Variants in FAT3 observed in about 807,000 individuals in gnomAD.
FAT3 encodes protocadherin Fat 3.
A neutral mutation model predicts 310.2 loss-of-function variants in FAT3; 95 were observed. The observed-to-expected ratio is 0.31, with a 90% CI of 0.26 to 0.36. The LOEUF is 0.36. FAT3 is among the 10% of genes least tolerant of loss of function. The probability of loss-of-function intolerance (pLI) is 1.00; values close to 1 mark genes in which losing one functional copy is unlikely to be tolerated. For missense variants in FAT3, 5,408 were observed against 5,715.6 expected, an observed-to-expected ratio of 0.95 and a Z score of 1.74; for synonymous variants, 2,314 against 2,192.9, an observed-to-expected ratio of 1.06 and a Z score of -1.54.
chr11:92,781,298 G>T lies in FAT3; in HGVS notation c.4335+7118G>T, dbSNP rs1027735478. The stretch of plus-strand genomic sequence containing the variant: ...GATTATCCCCATGTTGGCCAGGCTG[G>T]TCTCAAACTCCTGATCTCAAGTGAT... On this transcript the variant is annotated intron_variant, in intron 7 of 27. Coordinates refer to ENST00000525166, the MANE Select transcript of FAT3 (RefSeq NM_001367949.2). Among the ~76,000 whole-genome samples the T allele has an allele frequency of 5.9e-5, 9 of 151,568 alleles. 2 individuals carry two copies. In the South Asian group the frequency reaches 1.9e-3, roughly 32 times the overall value.
chr11:92,841,655 C>T (rs554481810), intron 18 of FAT3, among the ~76,000 whole-genome samples: 1 of 152,322 alleles, frequency 6.6e-6, no homozygotes, highest in African/African-American at 2.4e-5. Context: ...TCAGTGCCTT[C>T]TCACAGAAAC....
At chr11:92,786,747 C>A (rs567143229) in intron 7 of FAT3, among the ~76,000 whole-genome samples, 13 of 152,204 alleles carry the variant, frequency 8.5e-5, no homozygotes, top group Non-Finnish European at 1.6e-4. Context: ...CCAACCATCC[C>A]AATTCTAGAA....
At chr11:92,661,990 A>G (rs1400188010) in intron 3 of FAT3, among the ~76,000 whole-genome samples, 2 of 152,126 alleles carry the variant, frequency 1.3e-5, no homozygotes, top group Non-Finnish European at 2.9e-5. Flanking sequence ...CTCTCTTGGT[A>G]GCCAAGCAGA....
intron 6 of FAT3, among the ~76,000 whole-genome samples, chr11:92,769,950 G>A (rs758126110): frequency 6.6e-6 from 1 of 152,184 alleles, no homozygotes; most frequent in Admixed American, 6.5e-5. Context: ...AGGACTAGCA[G>A]CAGCCTTGTT....
At chr11:92,678,632 T>A (rs79844983) in intron 3 of FAT3, among the ~76,000 whole-genome samples, 5,459 of 152,212 alleles carry the variant, frequency 0.036, 237 homozygotes, top group East Asian at 0.21. Flanking sequence ...TAATAATGAC[T>A]TTTTTTAATA....
At chr11:92,666,998 C>G (rs1591584841) in intron 3 of FAT3, among the ~76,000 whole-genome samples, 1 of 152,066 alleles carries the variant, frequency 6.6e-6, no homozygotes, top group Non-Finnish European at 1.5e-5. Flanking sequence ...GAAGTCTAGT[C>G]CAGCTTTGTT....
At chr11:92,234,084 T>C (rs941645275) in intron 1 of FAT3, among the ~76,000 whole-genome samples, 1 of 152,238 alleles carries the variant, frequency 6.6e-6, no homozygotes, top group African/African-American at 2.4e-5. Context: ...ACAATAGATA[T>C]GTTTTTAAAC....
intron 13 of FAT3, among the ~76,000 whole-genome samples, chr11:92,826,813 A>C (rs375842175): frequency 6.6e-6 from 1 of 152,328 alleles, no homozygotes; most frequent in East Asian, 1.9e-4. Context: ...CCGTGCAGGC[A>C]ATGAGAGACA....
At chr11:92,386,664 CAAGAG>C (rs1398730445) in intron 2 of FAT3, among the ~76,000 whole-genome samples, 2 of 152,146 alleles carry the variant, frequency 1.3e-5, no homozygotes, top group Non-Finnish European at 2.9e-5. Flanking sequence ...TGAGAGAAGA[CAAGAG>C]AAGATTCATG....
At chr11:92,478,921 T>G (rs1311975225) in intron 2 of FAT3, among the ~76,000 whole-genome samples, 3 of 147,198 alleles carry the variant, frequency 2.0e-5, no homozygotes, top group East Asian at 2.0e-4. Flanking sequence ...TGGCTGGCTT[T>G]CTTTCTTTCC....
chr11:92,707,493 G>A (rs1438298498), intron 4 of FAT3, among the ~76,000 whole-genome samples: 1 of 152,164 alleles, frequency 6.6e-6, no homozygotes, highest in Non-Finnish European at 1.5e-5. Context: ...TGGTGGGAGG[G>A]AGCCTATTAC....
At chr11:92,837,628 C>T (rs763232742) in intron 16 of FAT3, 35 bp from the exon 17 acceptor site, 4 of 1,611,208 alleles carry the variant, frequency 2.5e-6, no homozygotes, top group East Asian at 4.5e-5. Flanking sequence ...GGAAGCGCTA[C>T]ACCTCTTTAC....
chr11:92,412,380 CATG>C (rs1950292287), intron 2 of FAT3, among the ~76,000 whole-genome samples: 1 of 149,166 alleles, frequency 6.7e-6, no homozygotes, highest in African/African-American at 2.5e-5. Context: ...GGATTACAGG[CATG>C]AGCCACCAGA....
intron 1 of FAT3, among the ~76,000 whole-genome samples, chr11:92,330,878 A>G (rs920042046): frequency 2.6e-5 from 4 of 152,028 alleles, no homozygotes. Flanking sequence ...GAAGTATTTT[A>G]ATGAGTTCAC....
At chr11:92,699,553 G>A (rs1027732676) in intron 4 of FAT3, among the ~76,000 whole-genome samples, 7 of 152,130 alleles carry the variant, frequency 4.6e-5, no homozygotes, top group Non-Finnish European at 2.9e-5. Context: ...AATATTTTCG[G>A]TATTCTTAGT....
chr11:92,869,438 C>A (rs1216892913), intron 22 of FAT3, among the ~76,000 whole-genome samples: 5 of 152,342 alleles, frequency 3.3e-5, no homozygotes, highest in African/African-American at 1.2e-4. Flanking sequence ...ACTTCTGTTG[C>A]TTTCCTGGGG....
At chr11:92,542,299 C>G (rs536500699) in intron 3 of FAT3, among the ~76,000 whole-genome samples, 10 of 151,812 alleles carry the variant, frequency 6.6e-5, no homozygotes, top group South Asian at 2.1e-4. Context: ...TGGATAAGAC[C>G]CTAAAACACA....
Position 92,792,809 on chromosome 11 carries a change from G to A in FAT3, c.4654G>A (p.Val1552Ile), listed in dbSNP as rs768572061. ...TCCTTATCGAAGAAACTTGGCCCGA[G>A]TCATTGTGAATGTGGAGGATGCTAA... ...EFPYRRNLAR[V>I]IVNVEDANDH... Residue 1552 changes from valine (V) to isoleucine (I), a missense_variant, in exon 9 of 28, where the codon GTC (valine) becomes ATC (isoleucine). Coordinates refer to ENST00000525166, the MANE Select transcript of FAT3 (RefSeq NM_001367949.2). 1 of 1,613,728 alleles carries A rather than the reference G, an allele frequency of 6.2e-7. No individual in the cohort carries two copies. Among genetic ancestry groups the A allele is most frequent in the African/African-American group, 1.3e-5 (1 of 74,904 alleles).
intron 1 of FAT3, among the ~76,000 whole-genome samples, chr11:92,277,121 A>C (rs1946293936): frequency 6.6e-6 from 1 of 152,106 alleles, no homozygotes. Flanking sequence ...TATATATTTT[A>C]ATTAAATATT....
Sources: allele counts gnomAD v4.1 joint callset (sites outside exome capture counted in the v4.1 genomes callset), GRCh38; gene constraint gnomAD v4.1.1; transcripts MANE v1.5; gene names NCBI Gene and HGNC (gene_info 2026-07-23, HGNC 2026-07-21).